The following FAM193B variants were observed in gnomAD, a reference collection of about 807,000 sequenced individuals.
The protein encoded by FAM193B is protein FAM193B.
Under a neutral mutation model 70.7 loss-of-function variants are expected in FAM193B, and 27 were observed. The observed-to-expected ratio is 0.38, with a 90% confidence interval of 0.28 to 0.53. The LOEUF is 0.53. FAM193B is among the 20% of genes least tolerant of loss of function. The pLI, the probability that FAM193B is intolerant of heterozygous loss-of-function variation, is 0.81. For missense variants in FAM193B, 1,022 were observed against 1,072.5 expected (o/e 0.95, Z 0.66); for synonymous variants, 448 against 436.0 (o/e 1.03, Z -0.34).
At position 177,524,597 on chromosome 5, in the gene FAM193B, C is replaced by T; in HGVS notation, c.1884G>A (p.Val628=). The T allele has an allele frequency of 6.2e-7, 1 of 1,611,580 alleles. No homozygotes were observed. Among genetic ancestry groups the T allele is most frequent in the South Asian group, 1.1e-5 (1 of 90,752 alleles). Residue 628 remains valine (V), a synonymous_variant, in exon 6 of 9, where the codon GTG becomes GTA. Transcript: ENST00000514747. The stretch of plus-strand genomic sequence containing the variant: ...CCTTCTGTGGCTTCCCACCTGAGGA[C>T]ACAGGCTCAGGCAGCTCCTGCTTGC... ...PSCKQELPEP[V]SSGGKPQKGK...
intron 5 of FAM193B, among the ~76,000 whole-genome samples, chr5:177,528,269 C>T (rs1052089808): frequency 1.3e-5 from 2 of 152,128 alleles, no homozygotes; most frequent in African/African-American, 2.4e-5. Context: ...AAAAAGTCAC[C>T]GGTGACTCTG....
At chr5:177,534,478 A>C (rs910823297) in intron 4 of FAM193B, among the ~76,000 whole-genome samples, 1 of 147,944 alleles carries the variant, frequency 6.8e-6, no homozygotes, top group African/African-American at 2.5e-5. Flanking sequence ...TTTTTTTTGT[A>C]TTTTTAATAG....
chr5:177,539,591 G>A (rs1764601873), intron 1 of FAM193B, among the ~76,000 whole-genome samples: 2 of 152,244 alleles, frequency 1.3e-5, no homozygotes, highest in Non-Finnish European at 1.5e-5. Context: ...TCAGTGGACA[G>A]TTTAGGAGAA....
At chr5:177,542,793 G>A (rs2545802) in intron 1 of FAM193B, among the ~76,000 whole-genome samples, 7,948 of 152,260 alleles carry the variant, frequency 0.052, 287 homozygotes, top group Middle Eastern at 0.16. Context: ...TACAGTAGTT[G>A]TGTCTTCTGC....
Position 177,519,943 on chromosome 5 carries a change from G to C in FAM193B, c.*240C>G, listed in dbSNP as rs1461355027. 6.6e-6 allele frequency: 1 copy of C among 152,316 alleles called. No individual in the cohort carries two copies. The highest frequency in any genetic ancestry group is 2.4e-5 in the African/African-American group (1 of 41,464). The allele number at this position is 152,316 out of a possible 1,614,324, so 9.4% of individuals were successfully genotyped here. A position where few individuals can be genotyped will look rare whatever the true frequency, so the allele number is the denominator to read the frequency against. On this transcript the variant is annotated 3_prime_UTR_variant, in exon 9 of 9. Coordinates refer to ENST00000514747, the MANE Select transcript of FAM193B (RefSeq NM_001190946.3). ...GCAGTACCATCAGCCCTGGCCCTTA[G>C]GCCAGCCCAGTCCACGGGCTCTGAG...
At position 177,525,384 on chromosome 5, in the gene FAM193B, T is replaced by C. The variant is rs1303123218; in HGVS notation, c.1276-179A>G. On this transcript the variant is annotated intron_variant, in intron 5 of 8. Coordinates refer to ENST00000514747, the MANE Select transcript of FAM193B (RefSeq NM_001190946.3). ...GGCAAACTGCAGCCAGACAGGTACA[T>C]GTCCTGGGGGCAGGGGTAGTCACAC... The C allele has an allele frequency of 1.0e-5, 5 of 486,216 alleles. No homozygotes were observed. In the Admixed American group the frequency reaches 1.3e-4, roughly 12 times the overall value. 30.1% of individuals were successfully genotyped at this position (486,216 alleles called of 1,614,324 possible).
rs1311063258 is a variant in FAM193B, at chr5:177,524,662, G to A, written c.1819C>T (p.Pro607Ser). 1 of 1,612,298 alleles carries A rather than the reference G, an allele frequency of 6.2e-7. No individual in the cohort carries two copies. Among genetic ancestry groups the A allele is most frequent in the Non-Finnish European group, 8.5e-7 (1 of 1,179,338 alleles). ...TTTGAGCTTGGCTCCTCGGAGCTGG[G>A]GTAGCCCGGCTTGGGTGTCTTGACC... The part of the protein sequence containing the change: ...IWVKTPKPGY[P>S]SSEEPSSKEV... The change falls in exon 6 of 9, where the codon CCC (proline) becomes TCC (serine). Residue 607 changes from proline to serine, a missense_variant. Pro to Ser is a moderately conservative substitution (Grantham distance 74). Transcript: ENST00000514747.
chr5:177,523,809 GGA>G (rs901209999), intron 7 of FAM193B, 146 bp downstream of exon 7: 1 of 821,442 alleles, frequency 1.2e-6, no homozygotes, highest in African/African-American at 1.7e-5. Context: ...CAGGCTGGTG[GGA>G]GAGGGCCTGG....
intron 1 of FAM193B, chr5:177,547,324 G>A (rs1399426076): frequency 5.6e-5 from 6 of 107,524 alleles, no homozygotes; most frequent in African/African-American, 2.3e-4. Flanking sequence ...TCGCTCTGTC[G>A]CCCAGGCTGG....
Position 177,532,827 on chromosome 5 carries a change from A to G in FAM193B, c.1077-186T>C, listed in dbSNP as rs1399141408. On this transcript the variant is annotated intron_variant, in intron 4 of 8. Transcript: ENST00000514747. The surrounding 1 kb of genome is among the most constrained non-coding windows in gnomAD (Gnocchi z 4.9). ...ACACCTGCACTGTCCCTCAAGGCCC[A>G]TCCCAAACACAAATGTGGCTCTTCT... Among the ~76,000 whole-genome samples the G allele has an allele frequency of 6.6e-6, 1 of 152,168 alleles. No homozygotes were observed. The highest frequency in any genetic ancestry group is 1.5e-5 in the Non-Finnish European group (1 of 68,034).
intron 7 of FAM193B, 81 bp from the exon 8 acceptor site, chr5:177,522,152 C>G: frequency 8.9e-7 from 1 of 1,129,002 alleles, no homozygotes; most frequent in Non-Finnish European, 1.3e-6. Flanking sequence ...TACCATGTCC[C>G]CATCACTAAG....
chr5:177,531,264 G>A, intron 5 of FAM193B: 22 of 1,268,210 alleles, frequency 1.7e-5, no homozygotes, highest in Non-Finnish European at 2.3e-5. Context: ...GGCAGAGCTG[G>A]GCTCTCCCTA....
At chr5:177,553,509 C>T in intron 1 of FAM193B, 1 of 1,140,566 alleles carries the variant, frequency 8.8e-7, no homozygotes, top group Non-Finnish European at 1.1e-6. Flanking sequence ...CCCGTTATCT[C>T]CTTTGCTCAA....
At position 177,538,930 on chromosome 5, in the gene FAM193B, T is replaced by C. The variant is rs1393952358; in HGVS notation, c.428A>G (p.Gln143Arg). ...CGCCACTGCATGTTCTCGACCTGTC[T>C]GCCTTTCATCTTCCTCCATGCTCTT... ...CRKSMEEDER[Q>R]TGREHAVAIS... The change falls in exon 2 of 9, where the codon CAG becomes CGG. Residue 143 changes from glutamine to arginine, a missense_variant. Gln to Arg is a conservative substitution (Grantham distance 43, BLOSUM62 1). Coordinates refer to ENST00000514747, the MANE Select transcript of FAM193B (RefSeq NM_001190946.3). This position sits in a 1 kb window ranked among gnomAD's most constrained non-coding sequence, Gnocchi z 4.1. The C allele has an allele frequency of 6.2e-7, 1 of 1,613,966 alleles. No homozygotes were observed. The highest frequency in any genetic ancestry group is 8.5e-7 in the Non-Finnish European group (1 of 1,179,912).
In FAM193B at chr5:177,554,291, G is replaced by A. The variant is rs1581963047; in HGVS notation, c.168C>T (p.Gly56=). 8 of 1,405,018 alleles carry A rather than the reference G, an allele frequency of 5.7e-6. No individual in the cohort carries two copies. Among genetic ancestry groups the A allele is most frequent in the Non-Finnish European group, 5.6e-6 (6 of 1,074,270 alleles). 87.0% of individuals were successfully genotyped at this position (1,405,018 alleles called of 1,614,324 possible). The change falls in exon 1 of 9, where the codon GGC becomes GGT. Residue 56 remains glycine (G), a synonymous_variant. Coordinates refer to ENST00000514747, the MANE Select transcript of FAM193B (RefSeq NM_001190946.3). ...GGTTGGGTTCGTCATCCTCCCTGGG[G>A]CCGTCGTGGTCGGGCTCCGCCGGCG... The part of the protein sequence containing the change: ...PEAPAEPDHD[G]PREDDEPNLV...
chr5:177,535,304 A>C (rs1295363636), intron 4 of FAM193B, among the ~76,000 whole-genome samples: 1 of 152,256 alleles, frequency 6.6e-6, no homozygotes, highest in Non-Finnish European at 1.5e-5. Flanking sequence ...TATGCTGAGG[A>C]GGCAACGCTA....
intron 1 of FAM193B, among the ~76,000 whole-genome samples, chr5:177,546,910 G>A (rs28687432): frequency 0.043 from 6,518 of 152,224 alleles, 443 homozygotes; most frequent in African/African-American, 0.15. Context: ...GGCCCAAGCC[G>A]CAGATTTACC....
At chr5:177,525,657 G>C (rs1014119703) in intron 5 of FAM193B, among the ~76,000 whole-genome samples, 1 of 152,258 alleles carries the variant, frequency 6.6e-6, no homozygotes, top group Non-Finnish European at 1.5e-5. Flanking sequence ...GTGCCTTCCT[G>C]ATGCTATGTC....
At position 177,524,754 on chromosome 5, in the gene FAM193B, C is replaced by A; in HGVS notation, c.1727G>T (p.Gly576Val). 6.5e-7 allele frequency: 1 copy of A among 1,531,982 alleles called. No individual in the cohort carries two copies. The highest frequency in any genetic ancestry group is 1.3e-5 in the South Asian group (1 of 77,462). 94.9% of individuals were successfully genotyped at this position (1,531,982 alleles called of 1,614,324 possible). A position where few individuals can be genotyped will look rare whatever the true frequency, so the allele number is the denominator to read the frequency against. The stretch of plus-strand genomic sequence containing the variant: ...CACGAGCCCGTTCTCGGGGACGATA[C>A]CGGGAGGGGGCCCCCTCACCTCTGT... The part of the protein sequence containing the change: ...PWTEVRGPPP[G>V]IVPENGLVRR... The change falls in exon 6 of 9, where the codon GGT (glycine) becomes GTT (valine). Residue 576 changes from glycine to valine, a missense_variant. Transcript: ENST00000514747.
Sources: allele counts gnomAD v4.1 joint callset (sites outside exome capture counted in the v4.1 genomes callset), GRCh38; gene constraint gnomAD v4.1.1; non-coding constraint Gnocchi (gnomAD v3.1); transcripts MANE v1.5; gene names NCBI Gene and HGNC (gene_info 2026-07-23, HGNC 2026-07-21).